Variants in AGMO observed in about 807,000 individuals in gnomAD.
AGMO encodes alkylglycerol monooxygenase.
In AGMO, 75 loss-of-function variants were observed where a neutral mutation model predicts 60.2. That is an observed-to-expected ratio of 1.25 (90% CI 1.03 to 1.51). The LOEUF (loss-of-function observed/expected upper bound fraction) is 1.51. Among genes scored for constraint, AGMO ranks in the 40% most tolerant of loss-of-function variants. The probability of loss-of-function intolerance (pLI) is 0.00; values close to 1 mark genes in which losing one functional copy is unlikely to be tolerated. For synonymous variants in AGMO, 261 were observed against 177.1 expected (o/e 1.47, Z -3.76); for missense variants, 763 against 525.5 (o/e 1.45, Z -4.42).
Position 15,536,158 on chromosome 7 carries a change from T to C in AGMO, c.409+8614A>G, listed in dbSNP as rs370088933. Among the ~76,000 whole-genome samples the C allele has an allele frequency of 2.0e-5, 3 of 152,076 alleles. No homozygotes were observed. In the South Asian group the frequency reaches 6.2e-4, roughly 31 times the overall value. On this transcript the variant is annotated intron_variant, in intron 3 of 12. Transcript: ENST00000342526. Reference sequence around the variant, plus strand: ...CTAAGTTTTACTCATTTAAGCTTTATGAAAATCTTATGAGATGTATACTAT... The same window carrying C: ...CTAAGTTTTACTCATTTAAGCTTTACGAAAATCTTATGAGATGTATACTAT...
chr7:15,282,247 G>A (rs768952899), intron 12 of AGMO, among the ~76,000 whole-genome samples: 46 of 151,838 alleles, frequency 3.0e-4, no homozygotes, highest in South Asian at 6.2e-4. Flanking sequence ...TACAATACCA[G>A]ATAAAGAATT....
intron 12 of AGMO, 61 bp from the exon 13 acceptor site, chr7:15,201,420 C>A: frequency 8.4e-7 from 1 of 1,194,632 alleles, no homozygotes. Flanking sequence ...TATTGCTCAA[C>A]TGAATTAAAA....
At chr7:15,227,182 G>A (rs576403781) in intron 12 of AGMO, among the ~76,000 whole-genome samples, 10 of 151,832 alleles carry the variant, frequency 6.6e-5, no homozygotes, top group Non-Finnish European at 1.3e-4. Flanking sequence ...AACTTAGTAC[G>A]TAACCAAATT....
the AGMO span, among the ~76,000 whole-genome samples, chr7:15,146,115 G>A: frequency 3.3e-5 from 5 of 152,108 alleles, no homozygotes; most frequent in South Asian, 1.0e-3. Flanking sequence ...ATAAAAATCT[G>A]CTATAGCACA....
At chr7:15,259,300 G>A (rs563552261) in intron 12 of AGMO, among the ~76,000 whole-genome samples, 1 of 151,560 alleles carries the variant, frequency 6.6e-6, no homozygotes, top group African/African-American at 2.4e-5. Context: ...ACAAGCAGAA[G>A]AAAGAACCAT....
intron 12 of AGMO, among the ~76,000 whole-genome samples, chr7:15,277,536 T>G (rs1202340047): frequency 6.6e-6 from 1 of 151,920 alleles, no homozygotes; most frequent in Non-Finnish European, 1.5e-5. Context: ...GATTGGATTT[T>G]TTTTTTCTAT....
At chr7:15,307,959 C>T (rs543377940) in intron 12 of AGMO, among the ~76,000 whole-genome samples, 3 of 152,102 alleles carry the variant, frequency 2.0e-5, no homozygotes, top group Non-Finnish European at 2.9e-5. Flanking sequence ...TAGTTCCTAA[C>T]GCCTAATGGT....
chr7:15,387,166 G>C (rs1488232483), intron 9 of AGMO, among the ~76,000 whole-genome samples: 1 of 152,186 alleles, frequency 6.6e-6, no homozygotes, highest in Non-Finnish European at 1.5e-5. Flanking sequence ...AGCCTCTGCA[G>C]CACTGCTCCA....
the AGMO span, among the ~76,000 whole-genome samples, chr7:15,134,192 T>G: frequency 6.6e-6 from 1 of 152,118 alleles, no homozygotes; most frequent in Non-Finnish European, 1.5e-5. Context: ...GAGACAGGTC[T>G]GGCTCTCTCA....
At chr7:15,546,994 T>A (rs903762634) in intron 2 of AGMO, among the ~76,000 whole-genome samples, 2 of 152,212 alleles carry the variant, frequency 1.3e-5, no homozygotes, top group African/African-American at 2.4e-5. Flanking sequence ...ATTCAAGTTT[T>A]AGGTTAAAAA....
chr7:15,163,252 A>T, the AGMO span, among the ~76,000 whole-genome samples: 2 of 152,266 alleles, frequency 1.3e-5, no homozygotes, highest in African/African-American at 4.8e-5. Context: ...TAGATTTAAG[A>T]TCATTTTGTC....
intron 12 of AGMO, among the ~76,000 whole-genome samples, chr7:15,270,389 T>A (rs2128513398): frequency 6.6e-6 from 1 of 152,160 alleles, no homozygotes; most frequent in South Asian, 2.1e-4. Flanking sequence ...TGTTGAGCAT[T>A]TTCATATGTT....
At chr7:15,219,468 A>G (rs1219443271) in intron 12 of AGMO, among the ~76,000 whole-genome samples, 1 of 152,086 alleles carries the variant, frequency 6.6e-6, no homozygotes, top group Non-Finnish European at 1.5e-5. Flanking sequence ...GCCAGAAACA[A>G]CAATCCAGGA....
intron 12 of AGMO, among the ~76,000 whole-genome samples, chr7:15,356,439 A>G (rs1026475009): frequency 2.0e-5 from 3 of 152,308 alleles, no homozygotes; most frequent in African/African-American, 4.8e-5. Context: ...GAAACTATAT[A>G]TAAGAAACCA....
chr7:15,415,568 C>T (rs10244991), intron 5 of AGMO, among the ~76,000 whole-genome samples: 14,816 of 151,800 alleles, frequency 0.098, 855 homozygotes, highest in South Asian at 0.15. Context: ...TTGAATCATT[C>T]GGTTCAAATC....
At chr7:15,180,135 T>C in the AGMO span, among the ~76,000 whole-genome samples, 1 of 152,194 alleles carries the variant, frequency 6.6e-6, no homozygotes, top group Non-Finnish European at 1.5e-5. Flanking sequence ...CACAGTAATC[T>C]CTTTAGCAAA....
intron 12 of AGMO, among the ~76,000 whole-genome samples, chr7:15,220,599 T>C (rs1781890240): frequency 6.6e-6 from 1 of 151,912 alleles, no homozygotes; most frequent in Non-Finnish European, 1.5e-5. Flanking sequence ...CTTGTGCATG[T>C]TAAGGACACA....
chr7:15,471,415 C>A (rs1782447129), intron 3 of AGMO, among the ~76,000 whole-genome samples: 1 of 151,844 alleles, frequency 6.6e-6, no homozygotes, highest in South Asian at 2.1e-4. Flanking sequence ...ATATTCCATT[C>A]TCTATAACTA....
chr7:15,375,758 G>C (rs1783427925), intron 10 of AGMO, among the ~76,000 whole-genome samples: 1 of 151,912 alleles, frequency 6.6e-6, no homozygotes, highest in African/African-American at 2.4e-5. Context: ...TTTAGACTTG[G>C]GAGTTTCCAA....
Sources: gnomAD v4.1 joint callset for allele counts (sites outside exome capture counted in the v4.1 genomes callset) on GRCh38, gnomAD v4.1.1 for gene constraint, MANE v1.5 for transcripts, NCBI Gene and HGNC (gene_info 2026-07-23, HGNC 2026-07-21) for gene names.